SCFD2: variants seen among roughly 807,000 people sequenced by gnomAD.
SCFD2 encodes the protein sec1 family domain containing 2, also known as sec1 family domain-containing protein 2.
A neutral mutation model predicts 58.9 loss-of-function variants in SCFD2; 54 were observed. The ratio of observed to expected loss-of-function variants is 0.92; its 90% CI spans 0.74 to 1.15. The LOEUF is 1.15. Among genes scored for constraint, SCFD2 ranks in the 50% most tolerant of loss-of-function variants. The pLI, the probability that SCFD2 is intolerant of heterozygous loss-of-function variation, is 0.00. For synonymous variants in SCFD2, 321 were observed against 335.9 expected, an observed-to-expected ratio of 0.96 and a Z score of 0.49; for missense variants, 805 against 836.6, an observed-to-expected ratio of 0.96 and a Z score of 0.47.
intron 3 of SCFD2, among the ~76,000 whole-genome samples, chr4:53,308,202 T>C (rs1230005894): frequency 1.3e-5 from 2 of 152,208 alleles, no homozygotes; most frequent in Non-Finnish European, 2.9e-5. Flanking sequence ...AAACAAACTA[T>C]GCAAAACTTC....
intron 3 of SCFD2, among the ~76,000 whole-genome samples, chr4:53,300,838 C>G (rs886632587): frequency 6.6e-6 from 1 of 152,168 alleles, no homozygotes; most frequent in Non-Finnish European, 1.5e-5. Context: ...GCAAGCTGCT[C>G]CTGAATGACT....
At chr4:53,205,925 A>T (rs1366126889) in intron 4 of SCFD2, among the ~76,000 whole-genome samples, 2 of 152,102 alleles carry the variant, frequency 1.3e-5, no homozygotes, top group Admixed American at 1.3e-4. Flanking sequence ...ATTAAAAAAA[A>T]CACAATTATC....
chr4:53,093,124 A>C (rs1397925668), intron 5 of SCFD2, among the ~76,000 whole-genome samples: 1 of 152,112 alleles, frequency 6.6e-6, no homozygotes, highest in Non-Finnish European at 1.5e-5. Context: ...AGAGTTGATC[A>C]TAAGTGGTCT....
At chr4:52,888,016 T>C (rs1287104592) in intron 7 of SCFD2, among the ~76,000 whole-genome samples, 1 of 146,208 alleles carries the variant, frequency 6.8e-6, no homozygotes. Context: ...GTTCACGCCA[T>C]TCTCCTGCCT....
Position 53,131,324 on chromosome 4 carries a change from A to G in SCFD2, c.1561+14009T>C, listed in dbSNP as rs1725780909. On this transcript the variant is annotated intron_variant, in intron 5 of 8. Coordinates refer to ENST00000401642, the MANE Select transcript of SCFD2 (RefSeq NM_152540.4). ...ATGCAACGAGTCAGAGATGTCAGAT[A>G]GAAGGCCATGGGCCAATGGGTATCT... 2.0e-5 allele frequency among the ~76,000 whole-genome samples: 3 copies of G among 152,238 alleles called. No homozygotes were observed. The South Asian group carries it at 6.2e-4, about 31-fold the overall frequency.
At chr4:53,008,370 T>C (rs1722025830) in intron 5 of SCFD2, among the ~76,000 whole-genome samples, 1 of 152,044 alleles carries the variant, frequency 6.6e-6, no homozygotes, top group Non-Finnish European at 1.5e-5. Context: ...GCACAGAGCA[T>C]CATGGAGAAG....
intron 5 of SCFD2, among the ~76,000 whole-genome samples, chr4:52,959,096 A>C (rs758533242): frequency 1.3e-5 from 2 of 152,132 alleles, no homozygotes; most frequent in Admixed American, 6.5e-5. Context: ...TTGAATCCAG[A>C]AAGTCTGACT....
Position 53,313,686 on chromosome 4 carries a change from T to C in SCFD2, c.1085A>G (p.His362Arg), listed in dbSNP as rs751017666. The C allele has an allele frequency of 5.0e-6, 8 of 1,613,976 alleles. No homozygotes were observed. Among genetic ancestry groups the C allele is most frequent in the Non-Finnish European group, 5.9e-6 (7 of 1,179,974 alleles). ...TTCTCTGCTTGCCGCTTCCACTAGA[T>C]GTCTCCGAACTTCCATCACTGCCTC... ...HKEAVMEVRR[H>R]LVEAASRENL... Residue 362 changes from histidine (H) to arginine (R), a missense_variant, in exon 3 of 9, where the codon CAT (histidine) becomes CGT (arginine). Transcript: ENST00000401642.
chr4:53,337,034 TG>T (rs1733706158), intron 2 of SCFD2, among the ~76,000 whole-genome samples: 1 of 95,964 alleles, frequency 1.0e-5, no homozygotes, highest in South Asian at 3.2e-4. Context: ...ATTTAAATGA[TG>T]GGTGTATTAG....
intron 5 of SCFD2, among the ~76,000 whole-genome samples, chr4:53,061,845 C>G (rs1440609815): frequency 6.6e-6 from 1 of 152,014 alleles, no homozygotes; most frequent in African/African-American, 2.4e-5. Flanking sequence ...AGTCCTCCTT[C>G]AGCACCTGAA....
intron 4 of SCFD2, among the ~76,000 whole-genome samples, chr4:53,217,415 T>C (rs935968726): frequency 3.3e-5 from 5 of 152,210 alleles, no homozygotes; most frequent in African/African-American, 9.6e-5. Context: ...CTTGTCTCTT[T>C]TGATCTTTGT....
At chr4:53,314,551 A>C (rs2149112373) in intron 2 of SCFD2, among the ~76,000 whole-genome samples, 1 of 152,344 alleles carries the variant, frequency 6.6e-6, no homozygotes, top group South Asian at 2.1e-4. Context: ...AACTGAATAC[A>C]AAGAAACAAG....
At chr4:53,300,068 A>T (rs1577946720) in intron 3 of SCFD2, among the ~76,000 whole-genome samples, 2 of 152,188 alleles carry the variant, frequency 1.3e-5, no homozygotes, top group Non-Finnish European at 2.9e-5. Flanking sequence ...AGCTAACATC[A>T]TAATGACAGG....
At chr4:53,102,837 C>G (rs537668551) in intron 5 of SCFD2, among the ~76,000 whole-genome samples, 66 of 151,398 alleles carry the variant, frequency 4.4e-4, no homozygotes, top group African/African-American at 1.5e-3. Context: ...AACCAGCTTG[C>G]AGGAGCTCTT....
chr4:52,914,338 T>C (rs1719554835), intron 6 of SCFD2, among the ~76,000 whole-genome samples: 1 of 152,224 alleles, frequency 6.6e-6, no homozygotes, highest in South Asian at 2.1e-4. Flanking sequence ...GCTATGTCTG[T>C]GGAGTTCTTA....
At chr4:53,298,494 G>C (rs568266620) in intron 3 of SCFD2, among the ~76,000 whole-genome samples, 88 of 152,332 alleles carry the variant, frequency 5.8e-4, no homozygotes, top group Middle Eastern at 6.8e-3. Flanking sequence ...AGGCCTGCCT[G>C]CCTCTGTAGG....
chr4:53,328,606 A>T (rs910533857), intron 2 of SCFD2, among the ~76,000 whole-genome samples: 1 of 152,242 alleles, frequency 6.6e-6, no homozygotes, highest in African/African-American at 2.4e-5. Context: ...ACAAACATAC[A>T]TACATGCGGA....
At chr4:53,284,486 C>G in intron 3 of SCFD2, among the ~76,000 whole-genome samples, 1 of 152,044 alleles carries the variant, frequency 6.6e-6, no homozygotes, top group East Asian at 1.9e-4. Flanking sequence ...TAAGCTTGTG[C>G]TAGTATAACT....
In SCFD2 at chr4:53,164,788, CAAAAA is replaced by C. The variant is rs767167356; in HGVS notation, c.1312-19211_1312-19207del. 5.6e-3 allele frequency among the ~76,000 whole-genome samples: 544 copies of C among 97,648 alleles called. 4 individuals carry two copies. The highest frequency in any genetic ancestry group is 0.021 in the African/African-American group (515 of 24,602). 64.1% of individuals were successfully genotyped at this position (97,648 alleles called of 152,430 possible). A position where few individuals can be genotyped will look rare whatever the true frequency, so the allele number is the denominator to read the frequency against. ...GCGAAAAAGCGAGACTCTGGAGTCTCAAAAAAAAAAAAAAAAAAGAAGAAGAAGAA... is the reference window on the plus strand; with the variant it reads ...GCGAAAAAGCGAGACTCTGGAGTCTCAAAAAAAAAAAAAGAAGAAGAAGAA... On this transcript the variant is annotated intron_variant, in intron 4 of 8. Coordinates refer to ENST00000401642, the MANE Select transcript of SCFD2 (RefSeq NM_152540.4).
Sources: allele counts gnomAD v4.1 joint callset (sites outside exome capture counted in the v4.1 genomes callset), GRCh38; gene constraint gnomAD v4.1.1; transcripts MANE v1.5; gene names NCBI Gene and HGNC (gene_info 2026-07-23, HGNC 2026-07-21).